ADARB1: variants seen among roughly 807,000 people sequenced by gnomAD.
ADARB1 encodes double-stranded RNA-specific editase 1.
Under a neutral mutation model 52.4 loss-of-function variants are expected in ADARB1, and 10 were observed. The observed-to-expected ratio is 0.19, with a 90% CI of 0.12 to 0.32. The LOEUF is 0.32. Among genes scored for constraint, ADARB1 ranks in the 10% least tolerant of loss-of-function variants. The pLI is 1.00. For missense variants in ADARB1, 643 were observed against 922.3 expected (o/e 0.70, Z 3.92); for synonymous variants, 349 against 371.1 (o/e 0.94, Z 0.68).
In ADARB1 at chr21:45,187,556, G is replaced by A. The variant is rs1056117280; in HGVS notation, c.1565+2465G>A. On this transcript the variant is annotated intron_variant, in intron 8 of 10. Coordinates refer to ENST00000348831, the MANE Select transcript of ADARB1 (RefSeq NM_001112.4). ...ACTTCTAATACTGTGTTAAATAGAAGTGGCAAAAGTGGACATCCTTGCATT... is the reference window on the plus strand; with the variant it reads ...ACTTCTAATACTGTGTTAAATAGAAATGGCAAAAGTGGACATCCTTGCATT... 1.4e-4 allele frequency among the ~76,000 whole-genome samples: 22 copies of A among 152,210 alleles called. 1 individual carries two copies. The highest frequency in any genetic ancestry group is 2.8e-4 in the Non-Finnish European group (19 of 68,040).
At chr21:45,141,195 C>T (rs34632631) in intron 2 of ADARB1, among the ~76,000 whole-genome samples, 3,654 of 147,522 alleles carry the variant, frequency 0.025, 62 homozygotes, top group Middle Eastern at 0.066. Context: ...GACCCTGTCT[C>T]AAAAAAAAAA....
intron 1 of ADARB1, among the ~76,000 whole-genome samples, chr21:45,123,511 C>T (rs576741931): frequency 2.2e-4 from 34 of 152,288 alleles, no homozygotes; most frequent in African/African-American, 6.7e-4. Flanking sequence ...CCCTGTGTTG[C>T]CCAGGCTGTT....
intron 9 of ADARB1, among the ~76,000 whole-genome samples, chr21:45,209,889 G>A (rs1002972795): frequency 2.6e-5 from 4 of 152,194 alleles, no homozygotes; most frequent in African/African-American, 9.7e-5. Context: ...ATGCTGCTGA[G>A]CAGAACTCAC....
intron 1 of ADARB1, among the ~76,000 whole-genome samples, chr21:45,122,107 G>A (rs557119034): frequency 3.9e-5 from 6 of 152,292 alleles, no homozygotes; most frequent in South Asian, 2.1e-4. Context: ...TTACTGTCTC[G>A]AAACAGTGAA....
rs570138127 is a variant in ADARB1 at position 45,142,421 on chromosome 21, G to A, written c.-48+13848G>A. 4.6e-5 allele frequency among the ~76,000 whole-genome samples: 7 copies of A among 152,360 alleles called. No individual in the cohort carries two copies. Among genetic ancestry groups the A allele is most frequent in the Admixed American group, 1.3e-4 (2 of 15,308 alleles). The stretch of plus-strand genomic sequence containing the variant: ...AAGTTATACTTAGTCTGTTCTGTTT[G>A]AAACCATTCTCATTCAGAAAACAGA... On this transcript the variant is annotated intron_variant, in intron 2 of 10. Coordinates refer to ENST00000348831, the MANE Select transcript of ADARB1 (RefSeq NM_001112.4). The surrounding 1 kb of genome is among the most constrained non-coding windows in gnomAD (Gnocchi z 4.0).
At chr21:45,163,753 C>T (rs1252661372) in intron 2 of ADARB1, among the ~76,000 whole-genome samples, 2 of 152,142 alleles carry the variant, frequency 1.3e-5, no homozygotes, top group East Asian at 1.9e-4. Flanking sequence ...TGGGCCTGCT[C>T]GGGGATGCTG....
Position 45,176,505 on chromosome 21 carries a change from C to T in ADARB1, c.804C>T (p.Val268=), listed in dbSNP as rs534554822. The T allele has an allele frequency of 5.6e-6, 9 of 1,614,144 alleles. No individual in the cohort carries two copies. The highest frequency in any genetic ancestry group is 1.1e-5 in the South Asian group (1 of 91,052). The change falls in exon 4 of 11, where the codon GTC becomes GTT. Residue 268 remains valine (V), a synonymous_variant. Coordinates refer to ENST00000348831, the MANE Select transcript of ADARB1 (RefSeq NM_001112.4). This position sits in a 1 kb window ranked among gnomAD's most constrained non-coding sequence, Gnocchi z 5.8. The part of the protein sequence containing the change: ...SHAKSFVMSV[V]VDGQFFEGSG... ...CCAAGAGCTTCGTCATGTCTGTGGT[C>T]GTGGATGGTCAGTTCTTTGAAGGCT...
In ADARB1 at chr21:45,204,813, C is replaced by A; in HGVS notation, c.1747+77C>A. On this transcript the variant is annotated intron_variant, in intron 9 of 10. Coordinates refer to ENST00000348831, the MANE Select transcript of ADARB1 (RefSeq NM_001112.4). This position sits in a 1 kb window ranked among gnomAD's most constrained non-coding sequence, Gnocchi z 4.4. Reference sequence around the variant, plus strand: ...TTTTCATCCTCATGAATGAAAAAAACACCACCTGAGCTGCTCTGTGGCTAT... The same window carrying A: ...TTTTCATCCTCATGAATGAAAAAAAAACCACCTGAGCTGCTCTGTGGCTAT... The A allele has an allele frequency of 2.7e-6, 4 of 1,469,216 alleles. No homozygotes were observed. Among genetic ancestry groups the A allele is most frequent in the Admixed American group, 1.9e-5 (1 of 52,110 alleles). 91.0% of individuals were successfully genotyped at this position (1,469,216 alleles called of 1,614,324 possible).
At position 45,224,382 on chromosome 21, in the gene ADARB1, G is replaced by A. The variant is rs2093019261; in HGVS notation, c.*2185G>A. On this transcript the variant is annotated 3_prime_UTR_variant, in exon 11 of 11. Coordinates refer to ENST00000348831, the MANE Select transcript of ADARB1 (RefSeq NM_001112.4). ...AGCTACCTTGAGACCATGTGAGGTG[G>A]CACCTTTCCGGGGTGGACTCGTGCG... is the stretch of plus-strand genomic sequence containing the variant. The A allele has an allele frequency of 1.0e-6, 1 of 985,498 alleles. No individual in the cohort carries two copies. The highest frequency in any genetic ancestry group is 1.2e-6 in the Non-Finnish European group (1 of 830,094). 61.0% of individuals were successfully genotyped at this position (985,498 alleles called of 1,614,324 possible). A position where few individuals can be genotyped will look rare whatever the true frequency, so the allele number is the denominator to read the frequency against.
Position 45,225,263 on chromosome 21 carries a change from G to A in ADARB1, c.*3066G>A. The stretch of plus-strand genomic sequence containing the variant: ...ATGGATGTCGTCACCACCTTCCTCA[G>A]CTCTCATCACCTGGTCGTACGCCAG... On this transcript the variant is annotated 3_prime_UTR_variant, in exon 11 of 11. Coordinates refer to ENST00000348831, the MANE Select transcript of ADARB1 (RefSeq NM_001112.4). 2 of 1,147,458 alleles carry A rather than the reference G, an allele frequency of 1.7e-6. No individual in the cohort carries two copies. Among genetic ancestry groups the A allele is most frequent in the Non-Finnish European group, 2.1e-6 (2 of 934,572 alleles). The allele number at this position is 1,147,458 out of a possible 1,614,324, so 71.1% of individuals were successfully genotyped here. A position where few individuals can be genotyped will look rare whatever the true frequency, so the allele number is the denominator to read the frequency against.
At position 45,217,606 on chromosome 21, in the gene ADARB1, GA is replaced by G. The variant is rs1171601158; in HGVS notation, c.1748-3223del. 3.3e-5 allele frequency among the ~76,000 whole-genome samples: 5 copies of G among 151,942 alleles called. No individual in the cohort carries two copies. The South Asian group carries it at 6.2e-4, about 19-fold the overall frequency. On this transcript the variant is annotated intron_variant, in intron 9 of 10. Transcript: ENST00000348831. ...TCTTTTAAAGGAATTTAAATAATAA[GA>G]AAAAAACCTCTTGTATATTTATCCA...
At chr21:45,112,182 G>C (rs2087571699) in intron 1 of ADARB1, among the ~76,000 whole-genome samples, 1 of 152,200 alleles carries the variant, frequency 6.6e-6, no homozygotes, top group African/African-American at 2.4e-5. Flanking sequence ...GAAGGAGCAG[G>C]TATGGGAATG....
At position 45,225,503 on chromosome 21, in the gene ADARB1, A is replaced by C. The variant is rs781597184; in HGVS notation, c.*3306A>C. The C allele has an allele frequency of 6.8e-6, 9 of 1,317,580 alleles. No homozygotes were observed. The African/African-American group carries it at 1.2e-4, about 18-fold the overall frequency. 81.6% of individuals were successfully genotyped at this position (1,317,580 alleles called of 1,614,324 possible). On this transcript the variant is annotated 3_prime_UTR_variant, in exon 11 of 11. Coordinates refer to ENST00000348831, the MANE Select transcript of ADARB1 (RefSeq NM_001112.4). ...TTTATCTCCAGGCTGTGGAATCGCC[A>C]CTTTCTTTGTGAAGACAGTGTCTCT...
intron 2 of ADARB1, among the ~76,000 whole-genome samples, chr21:45,143,801 C>T (rs900917623): frequency 2.0e-5 from 3 of 152,238 alleles, no homozygotes; most frequent in Non-Finnish European, 4.4e-5. Context: ...CCAGCTTCCT[C>T]ACCACCTCGC....
intron 1 of ADARB1, among the ~76,000 whole-genome samples, chr21:45,109,257 A>G (rs1569015618): frequency 1.3e-5 from 1 of 78,512 alleles, no homozygotes; most frequent in Admixed American, 1.4e-4. Context: ...GCGTGTGCGT[A>G]TGTGTGTGCA....
At chr21:45,115,100 A>G (rs368548256) in intron 1 of ADARB1, among the ~76,000 whole-genome samples, 2,154 of 9,010 alleles carry the variant, frequency 0.24, 49 homozygotes, top group African/African-American at 0.42. Context: ...GGGCCCAGGG[A>G]AGATTTTAAG....
intron 2 of ADARB1, among the ~76,000 whole-genome samples, chr21:45,162,023 C>A (rs1192334326): frequency 1.3e-5 from 2 of 152,196 alleles, no homozygotes; most frequent in African/African-American, 4.8e-5. Flanking sequence ...GAACTCAGGA[C>A]CTGCTGAATG....
intron 1 of ADARB1, among the ~76,000 whole-genome samples, chr21:45,114,420 C>G (rs1326053287): frequency 6.6e-6 from 1 of 152,160 alleles, no homozygotes; most frequent in Non-Finnish European, 1.5e-5. Flanking sequence ...AGCCTTGATG[C>G]TCAGGCCCAT....
In ADARB1 at chr21:45,204,483, C is replaced by T. The variant is rs566907081; in HGVS notation, c.1566-72C>T. 136 of 1,496,232 alleles carry T rather than the reference C, an allele frequency of 9.1e-5. 1 individual carries two copies. Among genetic ancestry groups the T allele is most frequent in the African/African-American group, 1.4e-4 (10 of 72,566 alleles). 92.7% of individuals were successfully genotyped at this position (1,496,232 alleles called of 1,614,324 possible). On this transcript the variant is annotated intron_variant, in intron 8 of 10. Transcript: ENST00000348831. This position sits in a 1 kb window ranked among gnomAD's most constrained non-coding sequence, Gnocchi z 4.4. ...AATTGCCAGTGCATCCCTGTAACCA[C>T]GCAGGCTTGGGCTGGGCTGCGTCGA...
Sources: gnomAD v4.1 joint callset for allele counts (sites outside exome capture counted in the v4.1 genomes callset) on GRCh38, gnomAD v4.1.1 for gene constraint, Gnocchi (gnomAD v3.1) non-coding constraint, MANE v1.5 for transcripts, NCBI Gene and HGNC (gene_info 2026-07-23, HGNC 2026-07-21) for gene names.